AGAP1: variants seen among roughly 807,000 people sequenced by gnomAD.
AGAP1 encodes arf-GAP with GTPase, ANK repeat and PH domain-containing protein 1.
Under a neutral mutation model 105.3 loss-of-function variants are expected in AGAP1, and 29 were observed. That is an observed-to-expected ratio of 0.28 (90% CI 0.21 to 0.38). AGAP1 has a LOEUF of 0.38. Among genes scored for constraint, AGAP1 ranks in the 10% least tolerant of loss-of-function variants. AGAP1 has a pLI of 1.00. For missense variants in AGAP1, 998 were observed against 1,165.1 expected, an observed-to-expected ratio of 0.86 and a Z score of 2.09; for synonymous variants, 509 against 485.9, an observed-to-expected ratio of 1.05 and a Z score of -0.63.
intron 1 of AGAP1, among the ~76,000 whole-genome samples, chr2:235,514,956 G>A (rs1364612720): frequency 6.6e-6 from 1 of 152,190 alleles, no homozygotes; most frequent in African/African-American, 2.4e-5. Flanking sequence ...GTCAGTTGGG[G>A]AGCTTGTATA....
In AGAP1 at chr2:235,962,072, G is replaced by T. The variant is rs975162099; in HGVS notation, c.1484-6390G>T. Among the ~76,000 whole-genome samples the T allele has an allele frequency of 8.2e-6, 1 of 121,620 alleles. No homozygotes were observed. The highest frequency in any genetic ancestry group is 1.5e-5 in the Non-Finnish European group (1 of 64,634). 79.8% of individuals were successfully genotyped at this position (121,620 alleles called of 152,430 possible). On this transcript the variant is annotated intron_variant, in intron 12 of 17. Coordinates refer to ENST00000304032, the MANE Select transcript of AGAP1 (RefSeq NM_001037131.3). This position sits in a 1 kb window ranked among gnomAD's most constrained non-coding sequence, Gnocchi z 5.3. ...GTTTTGTTTTGTTTTGTTTTGTTTT[G>T]TTTTGTTTTGTTTCAGTGAAGTGAA... is the stretch of plus-strand genomic sequence containing the variant.
At chr2:236,112,245 A>C (rs1406116880) in intron 16 of AGAP1, among the ~76,000 whole-genome samples, 4 of 152,132 alleles carry the variant, frequency 2.6e-5, no homozygotes, top group African/African-American at 9.7e-5. Flanking sequence ...GCAAAAGCCC[A>C]TCTCTACTAA....
intron 9 of AGAP1, among the ~76,000 whole-genome samples, chr2:235,873,300 C>T (rs1283006939): frequency 3.3e-5 from 5 of 152,210 alleles, no homozygotes; most frequent in East Asian, 3.9e-4. Context: ...AAAGCTATTT[C>T]CCGAGTCTGC....
intron 1 of AGAP1, among the ~76,000 whole-genome samples, chr2:235,606,843 G>A (rs1945955449): frequency 6.6e-6 from 1 of 151,346 alleles, no homozygotes; most frequent in African/African-American, 2.4e-5. Context: ...CAGCTACTGA[G>A]GAGGCTGAGG....
In AGAP1 at chr2:236,090,873, G is replaced by A. The variant is rs1398237499; in HGVS notation, c.2115-29319G>A. Reference sequence around the variant, plus strand: ...TCATGCCTCAGCCTCCTGAGTAGCTGGGATTACAGGCATGCGCCACCATAC... The same window carrying A: ...TCATGCCTCAGCCTCCTGAGTAGCTAGGATTACAGGCATGCGCCACCATAC... On this transcript the variant is annotated intron_variant, in intron 16 of 17. Coordinates refer to ENST00000304032, the MANE Select transcript of AGAP1 (RefSeq NM_001037131.3). The surrounding 1 kb of genome is among the most constrained non-coding windows in gnomAD (Gnocchi z 4.3). 6.6e-6 allele frequency among the ~76,000 whole-genome samples: 1 copy of A among 152,084 alleles called. No homozygotes were observed. The highest frequency in any genetic ancestry group is 1.5e-5 in the Non-Finnish European group (1 of 68,034).
chr2:235,711,353 G>A (rs1287636048), intron 2 of AGAP1, among the ~76,000 whole-genome samples: 2 of 152,202 alleles, frequency 1.3e-5, no homozygotes, highest in Non-Finnish European at 2.9e-5. Flanking sequence ...GGTTCAGAGA[G>A]GGCCCACATG....
At chr2:235,941,009 G>C (rs555647847) in intron 12 of AGAP1, among the ~76,000 whole-genome samples, 1 of 152,324 alleles carries the variant, frequency 6.6e-6, no homozygotes, top group South Asian at 2.1e-4. Context: ...GAGCTCCAAG[G>C]ATTCTGCCAG....
intron 9 of AGAP1, among the ~76,000 whole-genome samples, chr2:235,876,902 C>T (rs2049772221): frequency 6.8e-6 from 1 of 147,238 alleles, no homozygotes; most frequent in African/African-American, 2.5e-5. Context: ...GTCTGGAGTG[C>T]AATGGCGCAA....
chr2:235,956,882 C>T (rs570717347), intron 12 of AGAP1, among the ~76,000 whole-genome samples: 11 of 152,346 alleles, frequency 7.2e-5, no homozygotes, highest in Non-Finnish European at 1.3e-4. Flanking sequence ...CAGCCACCCT[C>T]CTGTCCCCTC....
Position 236,096,502 on chromosome 2 carries a change from A to G in AGAP1, c.2115-23690A>G, listed in dbSNP as rs2059195161. ...GGGGACAGAGTGAGCCTCCATCTCA[A>G]AAAAAAAAAAGCTTCTGGAATGTCA... On this transcript the variant is annotated intron_variant, in intron 16 of 17. Transcript: ENST00000304032. The surrounding 1 kb of genome is among the most constrained non-coding windows in gnomAD (Gnocchi z 4.4). Among the ~76,000 whole-genome samples, 1 of 148,548 alleles carries G rather than the reference A, an allele frequency of 6.7e-6. No homozygotes were observed. The highest frequency in any genetic ancestry group is 2.1e-4 in the South Asian group (1 of 4,730).
Position 235,992,290 on chromosome 2 carries a change from C to A in AGAP1, c.1645+23667C>A, listed in dbSNP as rs552867736. Among the ~76,000 whole-genome samples, 3 of 152,348 alleles carry A rather than the reference C, an allele frequency of 2.0e-5. No homozygotes were observed. In the South Asian group the frequency reaches 6.2e-4, roughly 32 times the overall value. On this transcript the variant is annotated intron_variant, in intron 13 of 17. Coordinates refer to ENST00000304032, the MANE Select transcript of AGAP1 (RefSeq NM_001037131.3). This position sits in a 1 kb window ranked among gnomAD's most constrained non-coding sequence, Gnocchi z 4.8. ...GAGTTGCAGCTCCACCTCTTCCTGGCGGGTGGCCTGGGCGAGTGCCTCACG... is the reference window on the plus strand; with the variant it reads ...GAGTTGCAGCTCCACCTCTTCCTGGAGGGTGGCCTGGGCGAGTGCCTCACG...
At chr2:236,021,915 C>T (rs191763926) in intron 13 of AGAP1, among the ~76,000 whole-genome samples, 10 of 151,822 alleles carry the variant, frequency 6.6e-5, no homozygotes, top group Admixed American at 2.6e-4. Flanking sequence ...AAAAATTAGC[C>T]AGGTGTGGTG....
At chr2:235,518,328 C>T (rs1942480153) in intron 1 of AGAP1, among the ~76,000 whole-genome samples, 1 of 152,228 alleles carries the variant, frequency 6.6e-6, no homozygotes, top group Non-Finnish European at 1.5e-5. Flanking sequence ...TTCTCCTCCA[C>T]TGACAGTGAT....
At chr2:235,628,065 G>A (rs1203073905) in intron 1 of AGAP1, among the ~76,000 whole-genome samples, 2 of 152,114 alleles carry the variant, frequency 1.3e-5, no homozygotes, top group South Asian at 2.1e-4. Flanking sequence ...GCTTCCCCCC[G>A]AAGCAAGGTG....
intron 1 of AGAP1, among the ~76,000 whole-genome samples, chr2:235,648,594 C>T (rs1338239582): frequency 6.6e-6 from 1 of 151,812 alleles, no homozygotes; most frequent in Non-Finnish European, 1.5e-5. Flanking sequence ...AGTCATGTGG[C>T]CGGGCGCGGT....
Position 235,555,101 on chromosome 2 carries a change from C to T in AGAP1, c.163+60252C>T, listed in dbSNP as rs72986812. ...GGGGCTGGGATGAGGAGAGCGCGGC[C>T]GCCAGGGTCAGCCTGGATGCTCCTA... On this transcript the variant is annotated intron_variant, in intron 1 of 17. Transcript: ENST00000304032. The surrounding 1 kb of genome is among the most constrained non-coding windows in gnomAD (Gnocchi z 5.1). 0.016 allele frequency among the ~76,000 whole-genome samples: 2,394 copies of T among 152,206 alleles called. 29 individuals carry two copies. The highest frequency in any genetic ancestry group is 0.025 in the Non-Finnish European group (1,712 of 68,012).
At chr2:236,110,027 G>A (rs1334479886) in intron 16 of AGAP1, among the ~76,000 whole-genome samples, 2 of 152,192 alleles carry the variant, frequency 1.3e-5, no homozygotes. Flanking sequence ...AATTTGGGAG[G>A]CATCAGATCC....
Position 236,089,025 on chromosome 2 carries a change from A to G in AGAP1, c.2115-31167A>G, listed in dbSNP as rs902245536. Among the ~76,000 whole-genome samples, 2 of 152,246 alleles carry G rather than the reference A, an allele frequency of 1.3e-5. No individual in the cohort carries two copies. Among genetic ancestry groups the G allele is most frequent in the African/African-American group, 4.8e-5 (2 of 41,460 alleles). ...GTTTGTATAATATGTTTCAAAGTAC[A>G]GAAGGTAGAAGGTACATCACCACCG... On this transcript the variant is annotated intron_variant, in intron 16 of 17. Coordinates refer to ENST00000304032, the MANE Select transcript of AGAP1 (RefSeq NM_001037131.3). The surrounding 1 kb of genome is among the most constrained non-coding windows in gnomAD (Gnocchi z 5.6).
chr2:235,890,388 G>A (rs2050480140), intron 10 of AGAP1, among the ~76,000 whole-genome samples: 2 of 152,114 alleles, frequency 1.3e-5, no homozygotes, highest in Admixed American at 1.3e-4. Context: ...CTGACCTCAA[G>A]TGATCCACCC....
Sources: gnomAD v4.1 joint callset for allele counts (sites outside exome capture counted in the v4.1 genomes callset) on GRCh38, gnomAD v4.1.1 for gene constraint, Gnocchi (gnomAD v3.1) non-coding constraint, MANE v1.5 for transcripts, NCBI Gene and HGNC (gene_info 2026-07-23, HGNC 2026-07-21) for gene names.